Variants in RAP1GAP2 observed in about 807,000 individuals in gnomAD.
RAP1GAP2 encodes RAP1 GTPase activating protein 2.
RAP1GAP2 carries 27 observed loss-of-function variants against 95.0 expected under a neutral mutation model. That is an observed-to-expected ratio of 0.28 (90% CI 0.21 to 0.39). The LOEUF (loss-of-function observed/expected upper bound fraction) is 0.39, where lower values mean the gene tolerates loss of function less well. Among genes scored for constraint, RAP1GAP2 ranks in the 10% least tolerant of loss-of-function variants. The probability of loss-of-function intolerance (pLI) is 1.00; values close to 1 mark genes in which losing one functional copy is unlikely to be tolerated. For missense variants in RAP1GAP2, 771 were observed against 970.0 expected, an observed-to-expected ratio of 0.79 and a Z score of 2.72; for synonymous variants, 373 against 380.9, an observed-to-expected ratio of 0.98 and a Z score of 0.24.
intron 17 of RAP1GAP2, among the ~76,000 whole-genome samples, chr17:3,016,771 G>C (rs2046784152): frequency 6.6e-6 from 1 of 152,220 alleles, no homozygotes; most frequent in Non-Finnish European, 1.5e-5. Context: ...CAACTACTCT[G>C]TGGTGTAGAC....
intron 1 of RAP1GAP2, among the ~76,000 whole-genome samples, chr17:2,764,535 A>G (rs1306200993): frequency 2.0e-5 from 3 of 152,130 alleles, no homozygotes; most frequent in Non-Finnish European, 4.4e-5. Flanking sequence ...AGCCTGACCA[A>G]CATGGTGAAA....
intron 2 of RAP1GAP2, among the ~76,000 whole-genome samples, chr17:2,854,397 G>T (rs2072038222): frequency 6.6e-6 from 1 of 152,202 alleles, no homozygotes; most frequent in African/African-American, 2.4e-5. Context: ...CCGCGACCCC[G>T]TTCCCCAAGC....
chr17:2,907,358 C>T (rs1008088500), intron 3 of RAP1GAP2, among the ~76,000 whole-genome samples: 10 of 152,190 alleles, frequency 6.6e-5, no homozygotes, highest in African/African-American at 2.4e-4. Flanking sequence ...GCCACATGTG[C>T]GCATGCTCAG....
At chr17:3,020,875 T>A (rs2046936690) in intron 19 of RAP1GAP2, among the ~76,000 whole-genome samples, 1 of 152,220 alleles carries the variant, frequency 6.6e-6, no homozygotes, top group African/African-American at 2.4e-5. Flanking sequence ...TTTGCCTCCT[T>A]TTTCAACGCT....
chr17:2,918,432 CAAAAA>C (rs533808717), intron 3 of RAP1GAP2, among the ~76,000 whole-genome samples: 3 of 65,422 alleles, frequency 4.6e-5, no homozygotes, highest in African/African-American at 5.4e-5. Flanking sequence ...GACTCCATCT[CAAAAA>C]AAAAAAAAAA....
At chr17:2,907,452 G>T (rs1359282034) in intron 3 of RAP1GAP2, among the ~76,000 whole-genome samples, 1 of 152,126 alleles carries the variant, frequency 6.6e-6, no homozygotes, top group African/African-American at 2.4e-5. Context: ...CGTCTAGCTA[G>T]GGAGCCAAAA....
intron 8 of RAP1GAP2, among the ~76,000 whole-genome samples, chr17:2,974,727 G>A (rs922027276): frequency 6.6e-5 from 10 of 151,946 alleles, no homozygotes; most frequent in African/African-American, 2.4e-4. Context: ...TGCCCCTCAG[G>A]AGAGAGAATA....
chr17:2,763,480 G>A (rs1327037920), intron 1 of RAP1GAP2, among the ~76,000 whole-genome samples: 1 of 152,194 alleles, frequency 6.6e-6, no homozygotes, highest in Non-Finnish European at 1.5e-5. Flanking sequence ...TGGATCACCT[G>A]AAGTCAGGAG....
At chr17:2,966,128 C>T (rs891029287) in intron 8 of RAP1GAP2, among the ~76,000 whole-genome samples, 12 of 152,142 alleles carry the variant, frequency 7.9e-5, no homozygotes, top group African/African-American at 1.4e-4. Flanking sequence ...TGATTTATAG[C>T]GGAAGCCAGG....
intron 3 of RAP1GAP2, among the ~76,000 whole-genome samples, chr17:2,951,837 C>G (rs2043935272): frequency 2.0e-5 from 3 of 152,156 alleles, no homozygotes; most frequent in African/African-American, 7.2e-5. Context: ...AGTTCAAGAC[C>G]AGCCTGGCCA....
In RAP1GAP2 at chr17:2,765,877, G is replaced by A. The variant is rs183669806; in HGVS notation, c.51-4452G>A. Among the ~76,000 whole-genome samples, 4 of 152,280 alleles carry A rather than the reference G, an allele frequency of 2.6e-5. No individual in the cohort carries two copies. In the East Asian group the frequency reaches 7.7e-4, roughly 29 times the overall value. ...CCAGCTACTCGGGAGGCTGAGGCTC[G>A]AGAATTGCTTGAACCCGGGAGGTGG... On this transcript the variant is annotated intron_variant, in intron 1 of 25. Transcript: ENST00000637138.
intron 2 of RAP1GAP2, among the ~76,000 whole-genome samples, chr17:2,833,657 T>A: frequency 8.2e-6 from 1 of 121,680 alleles, no homozygotes; most frequent in Non-Finnish European, 1.6e-5. Flanking sequence ...GCCACTGCAC[T>A]CCAACCTGGG....
chr17:2,912,302 GGT>G (rs2042413753), intron 3 of RAP1GAP2, among the ~76,000 whole-genome samples: 2 of 151,724 alleles, frequency 1.3e-5, no homozygotes, highest in African/African-American at 4.9e-5. Flanking sequence ...GTTGGGGGGT[GGT>G]GTGTGGGGGC....
chr17:2,985,028 A>G lies in RAP1GAP2; in HGVS notation c.775A>G (p.Thr259Ala). Residue 259 changes from threonine to alanine, a missense_variant, in exon 11 of 25, where the codon ACA becomes GCA. Coordinates refer to ENST00000254695, the MANE Select transcript of RAP1GAP2 (RefSeq NM_015085.5). The stretch of plus-strand genomic sequence containing the variant: ...CTATGATGAGCATGAAGTCAACAAC[A>G]CATTCAAATTCGGAGTCATTTATCA... ...VSYDEHEVNN[T>A]FKFGVIYQKA... 6.2e-7 allele frequency: 1 copy of G among 1,613,874 alleles called. No homozygotes were observed. The highest frequency in any genetic ancestry group is 8.5e-7 in the Non-Finnish European group (1 of 1,179,876).
At chr17:2,820,891 G>GTT (rs1475267891) in intron 2 of RAP1GAP2, among the ~76,000 whole-genome samples, 10 of 114,004 alleles carry the variant, frequency 8.8e-5, no homozygotes, top group East Asian at 5.2e-4. Flanking sequence ...CCCGGATAAT[G>GTT]GTTTTTTTTT....
intron 14 of RAP1GAP2, among the ~76,000 whole-genome samples, chr17:3,002,154 G>A (rs180940210): frequency 6.6e-6 from 1 of 152,038 alleles, no homozygotes; most frequent in Non-Finnish European, 1.5e-5. Context: ...GTAGAGACGG[G>A]GTTTCACCAT....
chr17:3,020,905 A>C (rs967789770), intron 19 of RAP1GAP2, among the ~76,000 whole-genome samples: 12 of 152,174 alleles, frequency 7.9e-5, no homozygotes, highest in Admixed American at 5.9e-4. Flanking sequence ...GGCCTGTCTT[A>C]TGGGAGCCTT....
intron 2 of RAP1GAP2, among the ~76,000 whole-genome samples, chr17:2,891,227 A>C (rs1026386051): frequency 2.0e-5 from 3 of 151,806 alleles, no homozygotes; most frequent in Middle Eastern, 3.4e-3. Context: ...GGCTTACTAC[A>C]GTCTTGACCT....
intron 2 of RAP1GAP2, among the ~76,000 whole-genome samples, chr17:2,839,258 C>T (rs929064009): frequency 6.6e-6 from 1 of 151,638 alleles, no homozygotes; most frequent in Non-Finnish European, 1.5e-5. Context: ...ACCAGTGAGC[C>T]GAGGTCACGC....
Sources: allele counts gnomAD v4.1 joint callset (sites outside exome capture counted in the v4.1 genomes callset), GRCh38; gene constraint gnomAD v4.1.1; transcripts MANE v1.5; gene names NCBI Gene and HGNC (gene_info 2026-07-23, HGNC 2026-07-21).